The following TANC1 variants were observed in gnomAD, a reference collection of about 807,000 sequenced individuals.
TANC1 encodes the protein tetratricopeptide repeat, ankyrin repeat and coiled-coil containing 1.
TANC1 carries 77 observed loss-of-function variants against 149.7 expected under a neutral mutation model. The observed-to-expected ratio is 0.51, with a 90% CI of 0.43 to 0.62. The LOEUF is 0.62. TANC1 is among the 20% of genes least tolerant of loss of function. The pLI, the probability that TANC1 is intolerant of heterozygous loss-of-function variation, is 0.00. For synonymous variants in TANC1, 854 were observed against 925.0 expected (o/e 0.92, Z 1.39); for missense variants, 1,985 against 2,321.8 (o/e 0.85, Z 2.98).
At chr2:158,981,411 A>G (rs1441397100) in intron 1 of TANC1, among the ~76,000 whole-genome samples, 2 of 148,834 alleles carry the variant, frequency 1.3e-5, no homozygotes, top group African/African-American at 4.9e-5. Context: ...GCTGCAAGCT[A>G]TGATTGAACC....
intron 1 of TANC1, among the ~76,000 whole-genome samples, chr2:158,984,672 G>A (rs2034805761): frequency 6.6e-6 from 1 of 152,112 alleles, no homozygotes; most frequent in African/African-American, 2.4e-5. Flanking sequence ...TGCAGGAGGA[G>A]GAGGAGTAGG....
Position 158,975,901 on chromosome 2 carries a change from A to G in TANC1, c.-126+7119A>G, listed in dbSNP as rs562980319. Among the ~76,000 whole-genome samples the G allele has an allele frequency of 1.1e-4, 16 of 149,016 alleles. No individual in the cohort carries two copies. The East Asian group carries it at 3.2e-3, about 30-fold the overall frequency. On this transcript the variant is annotated intron_variant, in intron 1 of 26. Coordinates refer to ENST00000263635, the MANE Select transcript of TANC1 (RefSeq NM_033394.3). ...CAGGCTGGACTGCAGTGGCATGATC[A>G]TGGCTCACTGTAGCCTCTGCCTCCT...
intron 3 of TANC1, among the ~76,000 whole-genome samples, chr2:159,068,295 T>G (rs1483210003): frequency 2.0e-5 from 3 of 152,244 alleles, no homozygotes; most frequent in Non-Finnish European, 4.4e-5. Context: ...AAGACTGCTC[T>G]GAAACTTAGG....
intron 22 of TANC1, among the ~76,000 whole-genome samples, chr2:159,223,317 T>C (rs28605238): frequency 0.086 from 13,136 of 152,046 alleles, 1,182 homozygotes; most frequent in East Asian, 0.23. Context: ...TTTTTTTAAT[T>C]GTAGCCATCG....
intron 2 of TANC1, among the ~76,000 whole-genome samples, chr2:159,053,006 AG>A (rs2041581500): frequency 6.6e-6 from 1 of 152,232 alleles, no homozygotes; most frequent in Non-Finnish European, 1.5e-5. Context: ...AAACACTCTG[AG>A]GGTACAGATT....
chr2:159,109,292 A>G (rs542798758), intron 4 of TANC1, among the ~76,000 whole-genome samples: 6 of 152,328 alleles, frequency 3.9e-5, no homozygotes, highest in Admixed American at 6.5e-5. Context: ...TGAGCAGGCC[A>G]TAGGTGTTTC....
chr2:159,035,549 G>C (rs2040120670), intron 2 of TANC1, among the ~76,000 whole-genome samples: 1 of 152,206 alleles, frequency 6.6e-6, no homozygotes, highest in African/African-American at 2.4e-5. Flanking sequence ...TTCTGCGTCT[G>C]ATAGGTGATC....
chr2:159,006,793 A>G lies in TANC1; in HGVS notation c.-16+5604A>G, dbSNP rs562177228. Among the ~76,000 whole-genome samples the G allele has an allele frequency of 2.6e-5, 4 of 152,308 alleles. No homozygotes were observed. The South Asian group carries it at 8.3e-4, about 32-fold the overall frequency. On this transcript the variant is annotated intron_variant, in intron 2 of 26. Coordinates refer to ENST00000263635, the MANE Select transcript of TANC1 (RefSeq NM_033394.3). The stretch of plus-strand genomic sequence containing the variant: ...GACAGAAAGTTATATTGTTAGACAG[A>G]TTGAATATAGGATGTTTGGAGAGTA...
rs115509680 is a variant in TANC1, at chr2:159,150,572, C to T, written c.682+16C>T. On this transcript the variant is annotated intron_variant, in intron 7 of 26. Coordinates refer to ENST00000263635, the MANE Select transcript of TANC1 (RefSeq NM_033394.3). The stretch of plus-strand genomic sequence containing the variant: ...GGAATTATAGGTAAGAAGCACACTG[C>T]TCGGTAACATAATGGCTCGAATCTC... 6.9e-4 allele frequency: 1,093 copies of T among 1,593,678 alleles called. 6 individuals are homozygous for T. The African/African-American group carries it at 0.013, about 19-fold the overall frequency.
chr2:159,172,486 A>G (rs1261038697), intron 11 of TANC1, among the ~76,000 whole-genome samples: 1 of 152,230 alleles, frequency 6.6e-6, no homozygotes, highest in African/African-American at 2.4e-5. Context: ...GATCCATCTT[A>G]AACAATGGAT....
At chr2:159,158,335 G>C (rs1261404956) in intron 7 of TANC1, among the ~76,000 whole-genome samples, 1 of 152,096 alleles carries the variant, frequency 6.6e-6, no homozygotes, top group African/African-American at 2.4e-5. Flanking sequence ...ACTCCAGCCT[G>C]GGCAACAGAG....
chr2:159,000,264 C>T (rs1318876164), intron 1 of TANC1, among the ~76,000 whole-genome samples: 1 of 151,794 alleles, frequency 6.6e-6, no homozygotes, highest in Non-Finnish European at 1.5e-5. Context: ...GAGGAAAAGC[C>T]GAGGCAGGTG....
Position 159,232,368 on chromosome 2 carries a change from T to C in TANC1, c.*1356T>C, listed in dbSNP as rs771921201. 21 of 152,756 alleles carry C rather than the reference T, an allele frequency of 1.4e-4. No individual in the cohort carries two copies. Among genetic ancestry groups the C allele is most frequent in the Non-Finnish European group, 2.6e-4 (18 of 68,004 alleles). The allele number at this position is 152,756 out of a possible 1,614,324, so 9.5% of individuals were successfully genotyped here. A position where few individuals can be genotyped will look rare whatever the true frequency, so the allele number is the denominator to read the frequency against. ...TCTAAAATTGAGGAGAAGGAAGTTA[T>C]ATATTTGCAGAATGTTTTAAAGTGA... On this transcript the variant is annotated 3_prime_UTR_variant, in exon 27 of 27. Transcript: ENST00000263635.
At chr2:159,215,173 A>C (rs760252235) in intron 19 of TANC1, among the ~76,000 whole-genome samples, 1 of 152,186 alleles carries the variant, frequency 6.6e-6, no homozygotes, top group Non-Finnish European at 1.5e-5. Context: ...TAGGTCCACA[A>C]GACCAGGACT....
intron 2 of TANC1, among the ~76,000 whole-genome samples, chr2:159,057,505 A>G (rs1402469930): frequency 6.6e-6 from 1 of 152,142 alleles, no homozygotes; most frequent in Non-Finnish European, 1.5e-5. Flanking sequence ...TTGTAACCCA[A>G]TTTCTGCCAC....
chr2:159,190,679 G>A (rs2057375550), intron 16 of TANC1, among the ~76,000 whole-genome samples: 2 of 152,116 alleles, frequency 1.3e-5, no homozygotes, highest in Admixed American at 1.3e-4. Context: ...AGCCTCCCGA[G>A]TAGCCGGGAT....
At chr2:159,021,476 A>C (rs1391526969) in intron 2 of TANC1, among the ~76,000 whole-genome samples, 1 of 152,186 alleles carries the variant, frequency 6.6e-6, no homozygotes. Flanking sequence ...ATGCACCTGT[A>C]GTCCTAGCTA....
intron 14 of TANC1, among the ~76,000 whole-genome samples, chr2:159,179,450 T>A (rs2056238583): frequency 6.6e-6 from 1 of 151,906 alleles, no homozygotes. Flanking sequence ...CTGTCCATTG[T>A]CTCATGGAGC....
At chr2:159,035,295 ACCT>A (rs2040098240) in intron 2 of TANC1, among the ~76,000 whole-genome samples, 1 of 152,012 alleles carries the variant, frequency 6.6e-6, no homozygotes, top group Non-Finnish European at 1.5e-5. Context: ...CTAGTCTCTA[ACCT>A]CCTGTGTTTT....
Sources: gnomAD v4.1 joint callset for allele counts (sites outside exome capture counted in the v4.1 genomes callset) on GRCh38, gnomAD v4.1.1 for gene constraint, MANE v1.5 for transcripts, NCBI Gene and HGNC (gene_info 2026-07-23, HGNC 2026-07-21) for gene names.